Variants in APC2 observed in about 807,000 individuals in gnomAD.
APC2 encodes the protein APC regulator of Wnt signaling pathway 2, also known as adenomatous polyposis coli protein 2.
A neutral mutation model predicts 72.5 loss-of-function variants in APC2; 41 were observed. That is an observed-to-expected ratio of 0.57 (90% CI 0.44 to 0.73). APC2 has a LOEUF of 0.73. APC2 is among the 30% of genes least tolerant of loss of function. The probability of loss-of-function intolerance (pLI) is 0.00; values close to 1 mark genes in which losing one functional copy is unlikely to be tolerated. For synonymous variants in APC2, 1,898 were observed against 1,612.0 expected, an observed-to-expected ratio of 1.18 and a Z score of -4.25; for missense variants, 3,729 against 3,403.4, an observed-to-expected ratio of 1.10 and a Z score of -2.38.
chr19:1,462,280 C>T (rs930418643), intron 14 of APC2, 103 bp downstream of exon 14: 2 of 1,085,806 alleles, frequency 1.8e-6, no homozygotes, highest in Admixed American at 2.6e-5. Flanking sequence ...CCCAAGGCTT[C>T]CCCAGGGGCT....
In APC2 at chr19:1,460,192, G is replaced by A. The variant is rs892887505; in HGVS notation, c.1315G>A (p.Ala439Thr). ...TTGGGTCCTCACAGGTGGGCTGCAG[G>A]CCGTGGCAGAGCTGCTGCAGGTTGA... ...RAMNELGGLQ[A>T]VAELLQVDYE... The change falls in exon 11 of 15, where the codon GCC (alanine) becomes ACC (threonine). Residue 439 changes from alanine (A) to threonine (T), a missense_variant. By Grantham distance (58) the Ala-to-Thr change is moderately conservative. Coordinates refer to ENST00000590469, the MANE Select transcript of APC2 (RefSeq NM_005883.3). 1 of 1,613,406 alleles carries A rather than the reference G, an allele frequency of 6.2e-7. No individual in the cohort carries two copies. The highest frequency in any genetic ancestry group is 8.5e-7 in the Non-Finnish European group (1 of 1,180,008).
chr19:1,460,155 C>T (rs756373196), intron 10 of APC2, 26 bp from the exon 11 acceptor site: 1 of 1,612,598 alleles, frequency 6.2e-7, no homozygotes, highest in African/African-American at 1.3e-5. Flanking sequence ...TCCCTGCCAC[C>T]CACCAACCTT....
intron 6 of APC2, among the ~76,000 whole-genome samples, chr19:1,455,865 G>C (rs1339473472): frequency 6.6e-6 from 1 of 152,078 alleles, no homozygotes; most frequent in Non-Finnish European, 1.5e-5. Flanking sequence ...GCGGGGTTTA[G>C]ACAGTGGGTG....
chr19:1,461,926 C>T (rs373827851), intron 13 of APC2, 37 bp from the exon 14 acceptor site: 86 of 1,554,460 alleles, frequency 5.5e-5, no homozygotes, highest in Middle Eastern at 1.9e-4. Flanking sequence ...CCGGGCCACT[C>T]AGGCCCTGAC....
rs746587105 is a variant in APC2, at chr19:1,453,550, G to T, written c.352G>T (p.Asp118Tyr). 13 of 1,611,568 alleles carry T rather than the reference G, an allele frequency of 8.1e-6. No homozygotes were observed. The highest frequency in any genetic ancestry group is 1.1e-5 in the Non-Finnish European group (13 of 1,179,502). Residue 118 changes from aspartate (D) to tyrosine (Y), a missense_variant, in exon 4 of 15, where the codon GAC becomes TAC. By Grantham distance (160) the Asp-to-Tyr change is radical. Transcript: ENST00000590469. ...AGTACACGGCTCCGGGCCCTCCAAGGACAGCTTTGGGGAGCTGAGCCGGGC... is the reference window on the plus strand; with the variant it reads ...AGTACACGGCTCCGGGCCCTCCAAGTACAGCTTTGGGGAGCTGAGCCGGGC... ...SPVHGSGPSK[D>Y]SFGELSRATI...
chr19:1,462,462 C>T (rs1163724184), intron 14 of APC2, among the ~76,000 whole-genome samples: 1 of 149,096 alleles, frequency 6.7e-6, no homozygotes, highest in Non-Finnish European at 1.5e-5. Context: ...TCAAGACCAG[C>T]CTGACCAACA....
At chr19:1,463,603 A>AT (rs1317766148) in intron 14 of APC2, among the ~76,000 whole-genome samples, 2 of 151,204 alleles carry the variant, frequency 1.3e-5, no homozygotes, top group Non-Finnish European at 2.9e-5. Context: ...AAAAAGAAAA[A>AT]TTAGCTTGGC....
Position 1,466,964 on chromosome 19 carries a change from G to C in APC2, c.3663G>C (p.Gln1221His). The C allele has an allele frequency of 6.2e-7, 1 of 1,605,530 alleles. No individual in the cohort carries two copies. Among genetic ancestry groups the C allele is most frequent in the South Asian group, 1.1e-5 (1 of 90,062 alleles). The change falls in exon 15 of 15, where the codon CAG (glutamine) becomes CAC (histidine). Residue 1221 changes from glutamine (Q) to histidine (H), a missense_variant. By Grantham distance (24) the Gln-to-His change is conservative. Coordinates refer to ENST00000590469, the MANE Select transcript of APC2 (RefSeq NM_005883.3). Reference sequence around the variant, plus strand: ...CGCCACCGCTGGCGCCCGCGCCACAGGGTCCCCCCGAGGCCACCCAGTTCA... The same window carrying C: ...CGCCACCGCTGGCGCCCGCGCCACACGGTCCCCCCGAGGCCACCCAGTTCA... ...SKTPPLAPAP[Q>H]GPPEATQFSL... is the part of the protein sequence containing the mutation.
rs781316433 is a variant in APC2 at position 1,466,966 on chromosome 19, G to C, written c.3665G>C (p.Gly1222Ala). Residue 1222 changes from glycine to alanine, a missense_variant, in exon 15 of 15, where the codon GGT becomes GCT. By Grantham distance (60) the Gly-to-Ala change is moderately conservative. Transcript: ENST00000590469. Reference sequence around the variant, plus strand: ...CCACCGCTGGCGCCCGCGCCACAGGGTCCCCCCGAGGCCACCCAGTTCAGC... The same window carrying C: ...CCACCGCTGGCGCCCGCGCCACAGGCTCCCCCCGAGGCCACCCAGTTCAGC... ...KTPPLAPAPQGPPEATQFSLQ... is the reference protein window; with the variant it reads ...KTPPLAPAPQAPPEATQFSLQ... The C allele has an allele frequency of 1.2e-6, 2 of 1,605,796 alleles. No individual in the cohort carries two copies. The highest frequency in any genetic ancestry group is 2.7e-5 in the African/African-American group (2 of 74,826).
At chr19:1,462,878 G>A (rs1193839550) in intron 14 of APC2, among the ~76,000 whole-genome samples, 2 of 151,726 alleles carry the variant, frequency 1.3e-5, no homozygotes, top group African/African-American at 4.9e-5. Flanking sequence ...GGCTGAGACA[G>A]GAGAATGGCA....
chr19:1,459,834 C>G (rs916179640), intron 10 of APC2, among the ~76,000 whole-genome samples: 2 of 152,182 alleles, frequency 1.3e-5, no homozygotes, highest in Non-Finnish European at 2.9e-5. Context: ...TTAGAGGACT[C>G]AGGGGGCCTT....
chr19:1,465,511 A>C lies in APC2; in HGVS notation c.2210A>C (p.Gln737Pro). 1 of 1,524,356 alleles carries C rather than the reference A, an allele frequency of 6.6e-7. No homozygotes were observed. Among genetic ancestry groups the C allele is most frequent in the Non-Finnish European group, 8.8e-7 (1 of 1,138,610 alleles). The allele number at this position is 1,524,356 out of a possible 1,614,324, so 94.4% of individuals were successfully genotyped here. Reference sequence around the variant, plus strand: ...GAGCTGGACGCACGGCACCTCGCGCAGGCGCTGGAGCACCTGGAGAAGCAG... The same window carrying C: ...GAGCTGGACGCACGGCACCTCGCGCCGGCGCTGGAGCACCTGGAGAAGCAG... ...EAELDARHLA[Q>P]ALEHLEKQGP... The change falls in exon 15 of 15, where the codon CAG becomes CCG. Residue 737 changes from glutamine to proline, a missense_variant. Physicochemically the swap from Gln to Pro is moderately conservative, Grantham distance 76. Transcript: ENST00000590469.
intron 14 of APC2, among the ~76,000 whole-genome samples, chr19:1,462,864 A>G (rs1221287418): frequency 2.0e-5 from 3 of 146,974 alleles, no homozygotes; most frequent in African/African-American, 7.6e-5. Flanking sequence ...CCAGCTACTC[A>G]GGAGGCTGAG....
In APC2 at chr19:1,468,294, TC is replaced by T; in HGVS notation, c.4996del (p.Arg1666GlyfsTer128). On this transcript the variant is annotated frameshift_variant, in exon 15 of 15. Coordinates refer to ENST00000590469, the MANE Select transcript of APC2 (RefSeq NM_005883.3). LOFTEE classifies it low-confidence loss of function (END_TRUNC). ...TRLDERPAEG[S>X]RERGEEAAGS... The stretch of plus-strand genomic sequence containing the variant: ...GCTGGATGAGCGGCCCGCAGAGGGG[TC>T]CCGGGAACGCGGCGAGGAGGCAGCG... 1 of 1,538,736 alleles carries T rather than the reference TC, an allele frequency of 6.5e-7. No homozygotes were observed. Among genetic ancestry groups the T allele is most frequent in the Non-Finnish European group, 8.7e-7 (1 of 1,143,448 alleles).
At chr19:1,461,630 A>G (rs971786027) in intron 13 of APC2, 4 of 338,912 alleles carry the variant, frequency 1.2e-5, no homozygotes, top group Non-Finnish European at 2.2e-5. Flanking sequence ...AGGCGGGCGG[A>G]TCACAAGGTC....
chr19:1,470,300 C>T lies in APC2; in HGVS notation c.*87C>T, dbSNP rs1038593028. The T allele has an allele frequency of 1.4e-6, 2 of 1,425,560 alleles. No individual in the cohort carries two copies. Among genetic ancestry groups the T allele is most frequent in the Admixed American group, 2.7e-5 (1 of 37,176 alleles). 88.3% of individuals were successfully genotyped at this position (1,425,560 alleles called of 1,614,324 possible). A position where few individuals can be genotyped will look rare whatever the true frequency, so the allele number is the denominator to read the frequency against. On this transcript the variant is annotated 3_prime_UTR_variant, in exon 15 of 15. Transcript: ENST00000590469. ...ATGGGCCTGCGCTGTAGACGTCCCC[C>T]ATAGGTCGCCCCAGGGCCTCTGCCC...
rs767968941 is a variant in APC2, at chr19:1,468,601, C to A, written c.5300C>A (p.Ser1767Tyr). ...ASVKTSGSPR[S>Y]PAGPEKPRGT... ...GTCAAGACCAGCGGGAGCCCCCGTT[C>A]CCCTGCAGGCCCCGAGAAGCCACGT... The change falls in exon 15 of 15, where the codon TCC becomes TAC. Residue 1767 changes from serine to tyrosine, a missense_variant. Transcript: ENST00000590469. 1.1e-5 allele frequency: 17 copies of A among 1,600,548 alleles called. No homozygotes were observed.
rs114810572 is a variant in APC2, at chr19:1,462,257, G to A, written c.1853+80G>A. On this transcript the variant is annotated intron_variant, in intron 14 of 14. Transcript: ENST00000590469. ...GGGCTGGGCTGGGCACTGTCCTCCC[G>A]TGAATGCATGCTCCCAAGGCTTCCC... 831 of 1,309,444 alleles carry A rather than the reference G, an allele frequency of 6.3e-4. 1 individual carries two copies. The African/African-American group carries it at 9.3e-3, about 15-fold the overall frequency. The allele number at this position is 1,309,444 out of a possible 1,614,324, so 81.1% of individuals were successfully genotyped here.
intron 11 of APC2, 36 bp from the exon 12 acceptor site, chr19:1,460,744 C>T: frequency 6.2e-7 from 1 of 1,602,790 alleles, no homozygotes; most frequent in Non-Finnish European, 8.5e-7. Context: ...CCCTTGTGTC[C>T]CAACCCCGTG....
Sources: allele counts gnomAD v4.1 joint callset (sites outside exome capture counted in the v4.1 genomes callset), GRCh38; gene constraint gnomAD v4.1.1; transcripts MANE v1.5; gene names NCBI Gene and HGNC (gene_info 2026-07-23, HGNC 2026-07-21).